The following EPM2A variants were observed in gnomAD, a reference collection of about 807,000 sequenced individuals.
EPM2A encodes EPM2A glucan phosphatase, laforin.
Under a neutral mutation model 26.5 loss-of-function variants are expected in EPM2A, and 21 were observed. The ratio of observed to expected loss-of-function variants is 0.79; its 90% CI spans 0.56 to 1.14. The LOEUF is 1.14. Among genes scored for constraint, EPM2A ranks in the 50% most tolerant of loss-of-function variants. The pLI is 0.00. For synonymous variants in EPM2A, 217 were observed against 177.6 expected (o/e 1.22, Z -1.76); for missense variants, 458 against 440.8 (o/e 1.04, Z -0.35).
chr6:145,536,294 T>C (rs972243999), intron 2 of EPM2A, among the ~76,000 whole-genome samples: 3 of 151,260 alleles, frequency 2.0e-5, no homozygotes, highest in African/African-American at 4.9e-5. Flanking sequence ...TTTTTGGTTT[T>C]GTTTGTTTGT....
Position 145,633,400 on chromosome 6 carries a change from G to A in EPM2A, c.718+1845C>T, listed in dbSNP as rs185333144. 5.3e-5 allele frequency among the ~76,000 whole-genome samples: 8 copies of A among 152,272 alleles called. No individual in the cohort carries two copies. In the East Asian group the frequency reaches 1.2e-3, roughly 22 times the overall value. On this transcript the variant is annotated intron_variant, in intron 3 of 3. Coordinates refer to ENST00000367519, the MANE Select transcript of EPM2A (RefSeq NM_005670.4). ...CTGGATTCAACCAATGTGCATCTTC[G>A]CAAATGAAGTTTTTCTTTTTTTCTT...
At chr6:145,446,352 A>G (rs1051116530) in intron 4 of EPM2A, among the ~76,000 whole-genome samples, 19 of 152,218 alleles carry the variant, frequency 1.2e-4, no homozygotes, top group Admixed American at 1.3e-4. Context: ...TAGCAAAAGT[A>G]ACTGAAACAC....
chr6:145,678,003 G>A (rs1049950688), intron 2 of EPM2A, among the ~76,000 whole-genome samples: 5 of 152,142 alleles, frequency 3.3e-5, no homozygotes, highest in African/African-American at 1.2e-4. Context: ...AAAGCTGGAG[G>A]CATCATGCTA....
At chr6:145,510,054 TA>T (rs1230657757) in intron 2 of EPM2A, among the ~76,000 whole-genome samples, 2 of 152,036 alleles carry the variant, frequency 1.3e-5, no homozygotes, top group African/African-American at 4.8e-5. Context: ...AATATATGTT[TA>T]CCCAACATTG....
chr6:145,612,699 G>T (rs1342502536), intron 2 of EPM2A, among the ~76,000 whole-genome samples: 1 of 147,868 alleles, frequency 6.8e-6, no homozygotes, highest in African/African-American at 2.5e-5. Context: ...TATCTATTAA[G>T]AGTACAATAT....
intron 2 of EPM2A, among the ~76,000 whole-genome samples, chr6:145,507,558 C>T (rs1387917697): frequency 6.6e-6 from 1 of 152,206 alleles, no homozygotes; most frequent in African/African-American, 2.4e-5. Context: ...TGGGAAAAAA[C>T]TGCATTGTCC....
At chr6:145,663,406 C>T (rs1029980945) in intron 2 of EPM2A, among the ~76,000 whole-genome samples, 4 of 152,192 alleles carry the variant, frequency 2.6e-5, no homozygotes, top group Admixed American at 6.5e-5. Flanking sequence ...GTGCACGCAC[C>T]GTGCGTGAGC....
chr6:145,726,548 T>C (rs1000156852), intron 1 of EPM2A, among the ~76,000 whole-genome samples: 4 of 152,016 alleles, frequency 2.6e-5, no homozygotes, highest in Non-Finnish European at 4.4e-5. Flanking sequence ...AACTACATGA[T>C]CAAAGTCATC....
chr6:145,475,330 G>T (rs1038916046), intron 4 of EPM2A, among the ~76,000 whole-genome samples: 1 of 152,088 alleles, frequency 6.6e-6, no homozygotes, highest in African/African-American at 2.4e-5. Context: ...CATGGGTGAA[G>T]CTGGAAACCA....
At chr6:145,725,950 C>A (rs1180828037) in intron 1 of EPM2A, among the ~76,000 whole-genome samples, 2 of 151,900 alleles carry the variant, frequency 1.3e-5, no homozygotes, top group African/African-American at 4.8e-5. Flanking sequence ...GTTTTGCCAG[C>A]TAAGAAGGCC....
intron 2 of EPM2A, among the ~76,000 whole-genome samples, chr6:145,563,722 AG>A (rs555093468): frequency 6.6e-6 from 1 of 152,276 alleles, no homozygotes; most frequent in South Asian, 2.1e-4. Flanking sequence ...TGCACCAAAG[AG>A]TTTAGCCTAA....
At chr6:145,524,984 T>C (rs988178287) in intron 2 of EPM2A, among the ~76,000 whole-genome samples, 1 of 152,176 alleles carries the variant, frequency 6.6e-6, no homozygotes, top group African/African-American at 2.4e-5. Flanking sequence ...TTCTTCTGCA[T>C]ATGACTAGCC....
At chr6:145,424,974 A>G (rs1207617220) in intron 4 of EPM2A, among the ~76,000 whole-genome samples, 1 of 60,168 alleles carries the variant, frequency 1.7e-5, no homozygotes, top group African/African-American at 5.6e-5. Context: ...ATAGACATAG[A>G]TCCATATCTA....
At chr6:145,561,252 G>A (rs989095002) in intron 2 of EPM2A, among the ~76,000 whole-genome samples, 2 of 150,944 alleles carry the variant, frequency 1.3e-5, no homozygotes, top group Non-Finnish European at 2.9e-5. Flanking sequence ...GTTTGTAACC[G>A]AGGAGCAATA....
chr6:145,706,393 C>T lies in EPM2A; in HGVS notation c.302-20097G>A, dbSNP rs77389594. On this transcript the variant is annotated intron_variant, in intron 1 of 3. Coordinates refer to ENST00000367519, the MANE Select transcript of EPM2A (RefSeq NM_005670.4). ...CAACAAAGCCAGAAAGTGCACTAAC[C>T]ACATATATAACCGAAATATGTAACT... 3.0e-3 allele frequency among the ~76,000 whole-genome samples: 456 copies of T among 152,294 alleles called. 3 individuals are homozygous for T. The highest frequency in any genetic ancestry group is 0.01 in the African/African-American group (436 of 41,558).
chr6:145,578,255 A>C (rs533941941), intron 2 of EPM2A, among the ~76,000 whole-genome samples: 2 of 152,266 alleles, frequency 1.3e-5, no homozygotes, highest in South Asian at 4.1e-4. Flanking sequence ...TGGAATTACA[A>C]GTTTTTTTGA....
chr6:145,710,377 C>T (rs368618232), intron 1 of EPM2A, among the ~76,000 whole-genome samples: 51 of 152,256 alleles, frequency 3.3e-4, no homozygotes, highest in African/African-American at 6.3e-4. Flanking sequence ...AAAATGCTCA[C>T]CATCACTGGC....
At chr6:145,584,321 A>T (rs568605517) in intron 2 of EPM2A, among the ~76,000 whole-genome samples, 2 of 152,284 alleles carry the variant, frequency 1.3e-5, no homozygotes, top group East Asian at 3.9e-4. Context: ...CTGATTGGGC[A>T]TCCAAGGCTG....
At chr6:145,616,510 T>C (rs1775516345) in intron 2 of EPM2A, among the ~76,000 whole-genome samples, 1 of 152,226 alleles carries the variant, frequency 6.6e-6, no homozygotes, top group African/African-American at 2.4e-5. Flanking sequence ...GGGCACTGCC[T>C]AGTGGAGCTG....
Sources: allele counts gnomAD v4.1 joint callset (sites outside exome capture counted in the v4.1 genomes callset), GRCh38; gene constraint gnomAD v4.1.1; transcripts MANE v1.5; gene names NCBI Gene and HGNC (gene_info 2026-07-23, HGNC 2026-07-21).